The following PAK1 variants were observed in gnomAD, a reference collection of about 807,000 sequenced individuals.
PAK1 encodes the protein p21 (RAC1) activated kinase 1, also known as serine/threonine-protein kinase PAK 1.
Under a neutral mutation model 67.4 loss-of-function variants are expected in PAK1, and 29 were observed. The observed-to-expected ratio is 0.43, with a 90% CI of 0.32 to 0.59. PAK1 has a LOEUF of 0.59. Ranked by LOEUF, PAK1 falls within the 20% of genes least tolerant of loss-of-function variation. The pLI, the probability that PAK1 is intolerant of heterozygous loss-of-function variation, is 0.07. For synonymous variants in PAK1, 223 were observed against 237.4 expected, an observed-to-expected ratio of 0.94 and a Z score of 0.56; for missense variants, 337 against 670.7, an observed-to-expected ratio of 0.50 and a Z score of 5.50.
chr11:77,469,851 G>A (rs960846939), intron 1 of PAK1, among the ~76,000 whole-genome samples: 2 of 151,812 alleles, frequency 1.3e-5, no homozygotes, highest in Admixed American at 6.6e-5. Flanking sequence ...TGTAATAATT[G>A]TACATATTTA....
Position 77,322,560 on chromosome 11 carries a change from A to C in PAK1, c.*714T>G, listed in dbSNP as rs1438014669. On this transcript the variant is annotated 3_prime_UTR_variant, in exon 15 of 15. Transcript: ENST00000356341. ...AGAAAACCTCTCAATGTTATAAACA[A>C]GGGACAGGATAGGGGCAGCAGCCTA... The C allele has an allele frequency of 5.1e-6, 1 of 196,854 alleles. No individual in the cohort carries two copies. Among genetic ancestry groups the C allele is most frequent in the African/African-American group, 2.3e-5 (1 of 42,972 alleles). 12.2% of individuals were successfully genotyped at this position (196,854 alleles called of 1,614,324 possible). A position where few individuals can be genotyped will look rare whatever the true frequency, so the allele number is the denominator to read the frequency against.
At chr11:77,437,029 A>G (rs896524132) in intron 1 of PAK1, among the ~76,000 whole-genome samples, 7 of 152,208 alleles carry the variant, frequency 4.6e-5, no homozygotes, top group Non-Finnish European at 1.0e-4. Context: ...TACTGTTCTG[A>G]GGATAAAATA....
At position 77,473,926 on chromosome 11, in the gene PAK1, T is replaced by TCTGTGGGGGAGGACTGCAGAGC. The variant is rs1957998251; in HGVS notation, c.-418_-397dup. On this transcript the variant is annotated 5_prime_UTR_variant, in exon 1 of 15. Coordinates refer to ENST00000356341, the MANE Select transcript of PAK1 (RefSeq NM_002576.5). ...GAATGAGAGTCCAAGGGGGAAGGCG[T>TCTGTGGGGGAGGACTGCAGAGC]CTGTGGGGGAGGACTGCAGAGCCTG... 4.9e-5 allele frequency: 7 copies of TCTGTGGGGGAGGACTGCAGAGC among 143,130 alleles called. No homozygotes were observed. Among genetic ancestry groups the TCTGTGGGGGAGGACTGCAGAGC allele is most frequent in the Admixed American group, 4.2e-4 (6 of 14,348 alleles). 8.9% of individuals were successfully genotyped at this position (143,130 alleles called of 1,614,324 possible). A position where few individuals can be genotyped will look rare whatever the true frequency, so the allele number is the denominator to read the frequency against.
intron 14 of PAK1, among the ~76,000 whole-genome samples, chr11:77,326,509 A>C (rs1939908196): frequency 6.6e-6 from 1 of 152,088 alleles, no homozygotes; most frequent in African/African-American, 2.4e-5. Flanking sequence ...ACATGGCAAA[A>C]CCCTGTCTTT....
intron 4 of PAK1, among the ~76,000 whole-genome samples, chr11:77,377,896 A>C (rs1235181154): frequency 6.6e-6 from 1 of 152,186 alleles, no homozygotes; most frequent in Non-Finnish European, 1.5e-5. Context: ...TCAGTCCCTC[A>C]ATGGAGTAAG....
At chr11:77,365,148 A>C (rs1947324794) in intron 5 of PAK1, among the ~76,000 whole-genome samples, 1 of 150,720 alleles carries the variant, frequency 6.6e-6, no homozygotes, top group African/African-American at 2.4e-5. Context: ...GTTACTCAAG[A>C]GGGTGAGGCA....
At chr11:77,386,081 C>T (rs548473676) in intron 2 of PAK1, among the ~76,000 whole-genome samples, 1 of 152,136 alleles carries the variant, frequency 6.6e-6, no homozygotes, top group African/African-American at 2.4e-5. Flanking sequence ...AAGCTTCCAA[C>T]CTCACCCATC....
intron 5 of PAK1, among the ~76,000 whole-genome samples, chr11:77,361,447 A>G (rs1237140289): frequency 6.6e-6 from 1 of 152,194 alleles, no homozygotes; most frequent in Non-Finnish European, 1.5e-5. Flanking sequence ...AAGGTCAGAA[A>G]GTTAGCTGGG....
chr11:77,346,798 G>A (rs1436292072), intron 9 of PAK1, among the ~76,000 whole-genome samples: 3 of 152,130 alleles, frequency 2.0e-5, no homozygotes, highest in Non-Finnish European at 4.4e-5. Context: ...TAAGAAAATT[G>A]AGGCTAAGAC....
In PAK1 at chr11:77,398,306, T is replaced by C. The variant is rs1002705881; in HGVS notation, c.-21-5765A>G. 4.6e-5 allele frequency among the ~76,000 whole-genome samples: 7 copies of C among 152,328 alleles called. No homozygotes were observed. In the South Asian group the frequency reaches 6.2e-4, roughly 14 times the overall value. ...GGTAACCATCCTTCTATTATCTATG[T>C]CCATTAGTTGAATTGTTTTGATTTT... is the stretch of plus-strand genomic sequence containing the variant. On this transcript the variant is annotated intron_variant, in intron 1 of 14. Transcript: ENST00000356341.
the PAK1 span, among the ~76,000 whole-genome samples, chr11:77,518,356 C>T: frequency 3.3e-5 from 5 of 152,114 alleles, no homozygotes; most frequent in Admixed American, 2.0e-4. Context: ...GATCAATTAA[C>T]GAAGTCTACT....
At chr11:77,423,144 T>G (rs909155546) in intron 1 of PAK1, among the ~76,000 whole-genome samples, 1 of 151,908 alleles carries the variant, frequency 6.6e-6, no homozygotes, top group African/African-American at 2.4e-5. Context: ...TTCTTACTAG[T>G]CTGAAACATT....
At chr11:77,422,124 A>G (rs1955298477) in intron 1 of PAK1, among the ~76,000 whole-genome samples, 1 of 152,210 alleles carries the variant, frequency 6.6e-6, no homozygotes, top group South Asian at 2.1e-4. Context: ...TTTTACCTCT[A>G]GACTGGAAAG....
chr11:77,528,502 G>C, the PAK1 span, among the ~76,000 whole-genome samples: 34 of 152,024 alleles, frequency 2.2e-4, no homozygotes. Flanking sequence ...ATGCCATCAC[G>C]CCTGGCTAAT....
the PAK1 span, among the ~76,000 whole-genome samples, chr11:77,528,071 G>A: frequency 2.6e-5 from 4 of 151,980 alleles, no homozygotes; most frequent in African/African-American, 7.2e-5. Flanking sequence ...GGCTGGTCTC[G>A]AACTCCTGGG....
chr11:77,349,024 C>T (rs1015253556), intron 9 of PAK1, among the ~76,000 whole-genome samples: 1 of 151,178 alleles, frequency 6.6e-6, no homozygotes, highest in African/African-American at 2.4e-5. Context: ...ACTCAGGAGG[C>T]TGAGGCTGGA....
At chr11:77,482,232 G>A in the PAK1 span, among the ~76,000 whole-genome samples, 2 of 151,744 alleles carry the variant, frequency 1.3e-5, no homozygotes, top group Admixed American at 1.3e-4. Context: ...CAGGTAATCC[G>A]CCAGCCTCAG....
chr11:77,489,785 A>G, the PAK1 span, among the ~76,000 whole-genome samples: 21 of 151,800 alleles, frequency 1.4e-4, no homozygotes, highest in African/African-American at 4.9e-4. Context: ...CAGTGGCGTG[A>G]TCTCGGCTCG....
intron 1 of PAK1, among the ~76,000 whole-genome samples, chr11:77,410,468 G>C (rs1954334621): frequency 6.6e-6 from 1 of 152,148 alleles, no homozygotes; most frequent in Non-Finnish European, 1.5e-5. Context: ...GAGTTAGGTA[G>C]AAAACAATGT....
Sources: gnomAD v4.1 joint callset for allele counts (sites outside exome capture counted in the v4.1 genomes callset) on GRCh38, gnomAD v4.1.1 for gene constraint, MANE v1.5 for transcripts, NCBI Gene and HGNC (gene_info 2026-07-23, HGNC 2026-07-21) for gene names.